Variants in SORL1 observed in about 807,000 individuals in gnomAD.
SORL1 encodes the protein sortilin related receptor 1.
A neutral mutation model predicts 273.7 loss-of-function variants in SORL1; 127 were observed. The observed-to-expected ratio is 0.46, with a 90% CI of 0.40 to 0.54. SORL1 has a LOEUF of 0.54. Ranked by LOEUF, SORL1 falls within the 20% of genes least tolerant of loss-of-function variation. SORL1 has a pLI of 0.00. For synonymous variants in SORL1, 1,031 were observed against 1,067.4 expected (o/e 0.97, Z 0.66); for missense variants, 2,494 against 2,846.1 (o/e 0.88, Z 2.81).
chr11:121,513,163 A>T (rs1565320468), intron 7 of SORL1, 59 bp downstream of exon 7: 1 of 1,315,364 alleles, frequency 7.6e-7, no homozygotes, highest in Non-Finnish European at 1.1e-6. Flanking sequence ...CAGAGGTCAG[A>T]GGAAGGTTGT....
rs1339805448 is a variant in SORL1 at position 121,554,538 on chromosome 11, G to A, written c.2439+429G>A. ...AACACAGGTAAGAACCAGGAAGTAA[G>A]CATTAAAGAGCCCTGGACAGGCCAG... On this transcript the variant is annotated intron_variant, in intron 17 of 47. Transcript: ENST00000260197. This position sits in a 1 kb window ranked among gnomAD's most constrained non-coding sequence, Gnocchi z 4.6. 6.6e-6 allele frequency among the ~76,000 whole-genome samples: 1 copy of A among 152,232 alleles called. No individual in the cohort carries two copies. Among genetic ancestry groups the A allele is most frequent in the African/African-American group, 2.4e-5 (1 of 41,468 alleles).
At chr11:121,510,499 A>C (rs1290021543) in intron 6 of SORL1, among the ~76,000 whole-genome samples, 2 of 152,194 alleles carry the variant, frequency 1.3e-5, no homozygotes, top group Non-Finnish European at 2.9e-5. Flanking sequence ...CTAGCCTTCA[A>C]GTCCTTATTG....
At chr11:121,600,654 A>G (rs1863374472) in intron 32 of SORL1, among the ~76,000 whole-genome samples, 1 of 152,208 alleles carries the variant, frequency 6.6e-6, no homozygotes, top group Non-Finnish European at 1.5e-5. Context: ...TTGCCTGGTA[A>G]AGGGTCTTAA....
intron 5 of SORL1, among the ~76,000 whole-genome samples, chr11:121,490,915 G>A (rs1861543657): frequency 6.6e-6 from 1 of 152,166 alleles, no homozygotes; most frequent in African/African-American, 2.4e-5. Context: ...TTGTGAAAGA[G>A]GCACAGAGGT....
At chr11:121,516,121 A>G (rs1861946513) in intron 8 of SORL1, among the ~76,000 whole-genome samples, 1 of 152,206 alleles carries the variant, frequency 6.6e-6, no homozygotes, top group Non-Finnish European at 1.5e-5. Flanking sequence ...CATGTGGCTT[A>G]TCTTTTACAG....
At chr11:121,510,843 A>G (rs535018229) in intron 6 of SORL1, among the ~76,000 whole-genome samples, 8 of 152,180 alleles carry the variant, frequency 5.3e-5, no homozygotes, top group Non-Finnish European at 1.0e-4. Flanking sequence ...GGCACTCTGC[A>G]GGGTAGAGTG....
chr11:121,628,396 C>G (rs1044500741), intron 47 of SORL1, among the ~76,000 whole-genome samples: 25 of 152,202 alleles, frequency 1.6e-4, no homozygotes, highest in Admixed American at 1.6e-3. Context: ...AGGGAGCGCT[C>G]AGTCTGGATC....
Position 121,581,599 on chromosome 11 carries a change from A to T in SORL1, c.3581-1859A>T, listed in dbSNP as rs550876620. ...GTATTTACCGGGCACTCAAAATCAG[A>T]GCTCATAAGTTACTAAGAAGATAGA... On this transcript the variant is annotated intron_variant, in intron 25 of 47. Coordinates refer to ENST00000260197, the MANE Select transcript of SORL1 (RefSeq NM_003105.6). Among the ~76,000 whole-genome samples, 18 of 152,348 alleles carry T rather than the reference A, an allele frequency of 1.2e-4. No individual in the cohort carries two copies. The East Asian group carries it at 2.7e-3, about 23-fold the overall frequency.
intron 8 of SORL1, among the ~76,000 whole-genome samples, chr11:121,514,844 G>C (rs1861928309): frequency 6.6e-6 from 1 of 152,146 alleles, no homozygotes. Context: ...CCAGCAGTGG[G>C]CGGTCTCGGA....
At chr11:121,560,016 G>A (rs1862647612) in intron 21 of SORL1, among the ~76,000 whole-genome samples, 1 of 152,182 alleles carries the variant, frequency 6.6e-6, no homozygotes, top group Non-Finnish European at 1.5e-5. Context: ...TGTGCTGGGT[G>A]CTCAGATAGT....
chr11:121,538,871 G>A lies in SORL1; in HGVS notation c.1686-4677G>A, dbSNP rs1443289719. ...TTTTTATATTTTTAGTAGAGGCGGG[G>A]TTTCACCTTGTTGGTCAGGCTGGTC... On this transcript the variant is annotated intron_variant, in intron 12 of 47. Coordinates refer to ENST00000260197, the MANE Select transcript of SORL1 (RefSeq NM_003105.6). Among the ~76,000 whole-genome samples the A allele has an allele frequency of 5.3e-5, 8 of 152,178 alleles. No individual in the cohort carries two copies. In the East Asian group the frequency reaches 1.5e-3, roughly 29 times the overall value.
At chr11:121,464,113 A>C (rs1215091793) in intron 1 of SORL1, among the ~76,000 whole-genome samples, 8 of 152,248 alleles carry the variant, frequency 5.3e-5, no homozygotes, top group Non-Finnish European at 1.2e-4. Context: ...GAAATGAATC[A>C]GACTGCCTTA....
chr11:121,490,153 T>G, intron 5 of SORL1, 43 bp downstream of exon 5: 1 of 1,371,730 alleles, frequency 7.3e-7, no homozygotes, highest in East Asian at 2.3e-5. Context: ...TGTAACCTCC[T>G]TTCTCCAGTT....
chr11:121,549,670 A>AG (rs148436932), intron 14 of SORL1, among the ~76,000 whole-genome samples: 65,992 of 151,512 alleles, frequency 0.44, 14,536 homozygotes, highest in Middle Eastern at 0.54. Context: ...CCAGAGTCTT[A>AG]AATTGGGAAC....
intron 32 of SORL1, among the ~76,000 whole-genome samples, chr11:121,603,258 A>G (rs2134919930): frequency 6.6e-6 from 1 of 152,228 alleles, no homozygotes; most frequent in East Asian, 1.9e-4. Flanking sequence ...CACTGGTGGG[A>G]TTGGATTTCT....
intron 2 of SORL1, among the ~76,000 whole-genome samples, chr11:121,476,142 A>G (rs945132647): frequency 4.4e-4 from 67 of 152,288 alleles, no homozygotes; most frequent in African/African-American, 1.5e-3. Context: ...AAGGGACTTT[A>G]GTTTCCTTCC....
intron 1 of SORL1, among the ~76,000 whole-genome samples, chr11:121,456,896 T>C (rs532892689): frequency 6.6e-6 from 1 of 152,262 alleles, no homozygotes; most frequent in East Asian, 1.9e-4. Flanking sequence ...TTAGATCTCT[T>C]TTGAGTAGAT....
intron 43 of SORL1, among the ~76,000 whole-genome samples, chr11:121,620,621 C>G (rs961846182): frequency 7.9e-5 from 12 of 152,238 alleles, no homozygotes; most frequent in East Asian, 3.9e-4. Flanking sequence ...CCCTTGCCCC[C>G]CTATACCCAG....
rs1863852476 is a variant in SORL1 at position 121,630,043 on chromosome 11, T to G, written c.*480T>G. 1 of 162,142 alleles carries G rather than the reference T, an allele frequency of 6.2e-6. No homozygotes were observed. Among genetic ancestry groups the G allele is most frequent in the Non-Finnish European group, 1.4e-5 (1 of 74,072 alleles). 10.0% of individuals were successfully genotyped at this position (162,142 alleles called of 1,614,324 possible). A position where few individuals can be genotyped will look rare whatever the true frequency, so the allele number is the denominator to read the frequency against. Reference sequence around the variant, plus strand: ...GGCGGAAGGTTTCTTTATGTTATTTTGTTAATTTATTGGGACTCTGTGTAA... The same window carrying G: ...GGCGGAAGGTTTCTTTATGTTATTTGGTTAATTTATTGGGACTCTGTGTAA... On this transcript the variant is annotated 3_prime_UTR_variant, in exon 48 of 48. Coordinates refer to ENST00000260197, the MANE Select transcript of SORL1 (RefSeq NM_003105.6).
Sources: allele counts gnomAD v4.1 joint callset (sites outside exome capture counted in the v4.1 genomes callset), GRCh38; gene constraint gnomAD v4.1.1; non-coding constraint Gnocchi (gnomAD v3.1); transcripts MANE v1.5; gene names NCBI Gene and HGNC (gene_info 2026-07-23, HGNC 2026-07-21).